ATAD2: variants seen among roughly 807,000 people sequenced by gnomAD.
ATAD2 encodes ATPase family AAA domain containing 2, also known as ATPase family AAA domain-containing protein 2.
A neutral mutation model predicts 168.9 loss-of-function variants in ATAD2; 62 were observed. The observed-to-expected ratio is 0.37, with a 90% CI of 0.30 to 0.45. The LOEUF (loss-of-function observed/expected upper bound fraction) is 0.45. ATAD2 is among the 20% of genes least tolerant of loss of function. The pLI is 1.00. For missense variants in ATAD2, 1,419 were observed against 1,667.8 expected (o/e 0.85, Z 2.60); for synonymous variants, 613 against 571.6 (o/e 1.07, Z -1.03).
At chr8:123,389,985 T>TA (rs1554647643) in intron 1 of ATAD2, among the ~76,000 whole-genome samples, 31,673 of 65,366 alleles carry the variant, frequency 0.48, 5,058 homozygotes, top group South Asian at 0.51. Context: ...TATATATATA[T>TA]TTTTTTTTTT....
intron 1 of ATAD2, among the ~76,000 whole-genome samples, chr8:123,404,489 A>G (rs113886430): frequency 0.025 from 3,766 of 149,540 alleles, 181 homozygotes; most frequent in African/African-American, 0.087. Flanking sequence ...GTAAGTCCAC[A>G]CTCTGCTTTC....
At chr8:123,395,385 A>G (rs1465506965) in intron 1 of ATAD2, among the ~76,000 whole-genome samples, 1 of 152,218 alleles carries the variant, frequency 6.6e-6, no homozygotes. Flanking sequence ...TGCACTTCAG[A>G]CCTAGAAGCA....
At chr8:123,349,689 A>C (rs1045942157) in intron 13 of ATAD2, among the ~76,000 whole-genome samples, 4 of 152,110 alleles carry the variant, frequency 2.6e-5, no homozygotes, top group Non-Finnish European at 5.9e-5. Flanking sequence ...AAGACATTTT[A>C]TAAAGCATAA....
intron 16 of ATAD2, 109 bp from the exon 17 acceptor site, chr8:123,346,859 A>G (rs1422555255): frequency 1.6e-6 from 2 of 1,267,364 alleles, no homozygotes; most frequent in Non-Finnish European, 2.2e-6. Flanking sequence ...CAAAGAATCA[A>G]AAATATTTGT....
intron 1 of ATAD2, among the ~76,000 whole-genome samples, chr8:123,404,299 C>T (rs1375410088): frequency 1.3e-5 from 2 of 152,096 alleles, no homozygotes; most frequent in African/African-American, 4.8e-5. Flanking sequence ...TTACCAAAAA[C>T]TTGGTGGCTT....
intron 1 of ATAD2, among the ~76,000 whole-genome samples, chr8:123,413,584 T>G (rs994086574): frequency 5.3e-5 from 8 of 152,186 alleles, no homozygotes; most frequent in Admixed American, 4.6e-4. Context: ...AGATAAGATT[T>G]GAGTGTGTTT....
At chr8:123,381,174 T>A (rs1829482978) in intron 1 of ATAD2, among the ~76,000 whole-genome samples, 1 of 152,212 alleles carries the variant, frequency 6.6e-6, no homozygotes, top group Non-Finnish European at 1.5e-5. Context: ...TGCCCAGTTT[T>A]AACCCAGCTA....
At chr8:123,380,752 C>T in intron 1 of ATAD2, 75 bp from the exon 2 acceptor site, 1 of 1,487,948 alleles carries the variant, frequency 6.7e-7, no homozygotes, top group Non-Finnish European at 9.1e-7. Flanking sequence ...AAAGAGTATT[C>T]TCTGATTACA....
intron 1 of ATAD2, among the ~76,000 whole-genome samples, chr8:123,391,051 C>T (rs543130806): frequency 3.1e-4 from 47 of 151,448 alleles, no homozygotes; most frequent in Non-Finnish European, 5.5e-4. Flanking sequence ...AAGTAATGTA[C>T]GATCATCATC....
At chr8:123,398,146 C>T (rs1044762698), upstream of ATAD2, among the ~76,000 whole-genome samples, 7 of 150,296 alleles carry the variant, frequency 4.7e-5, 1 homozygote, top group South Asian at 1.5e-3. Flanking sequence ...TGTCTGGGGA[C>T]ATATAAAAAG....
At chr8:123,411,066 G>C (rs577706720) in intron 1 of ATAD2, among the ~76,000 whole-genome samples, 12 of 152,282 alleles carry the variant, frequency 7.9e-5, no homozygotes, top group African/African-American at 1.9e-4. Context: ...CCCCAGGTCA[G>C]AGAACAGGAG....
chr8:123,347,498 T>TA, intron 15 of ATAD2, 92 bp from the exon 16 acceptor site: 1 of 1,270,988 alleles, frequency 7.9e-7, no homozygotes, highest in Non-Finnish European at 1.1e-6. Context: ...AAAAAAAAAT[T>TA]AAAAATCAGC....
intron 2 of ATAD2, among the ~76,000 whole-genome samples, chr8:123,378,127 T>A (rs1829374956): frequency 6.6e-6 from 1 of 152,204 alleles, no homozygotes; most frequent in African/African-American, 2.4e-5. Flanking sequence ...GTTGTACGTT[T>A]CTCCCCATTT....
intron 2 of ATAD2, among the ~76,000 whole-genome samples, chr8:123,373,201 T>C (rs191720764): frequency 6.6e-6 from 1 of 151,310 alleles, no homozygotes; most frequent in Non-Finnish European, 1.5e-5. Context: ...CGCTAACTTT[T>C]AACATTTTTT....
intron 13 of ATAD2, among the ~76,000 whole-genome samples, chr8:123,354,388 G>A (rs1359434393): frequency 1.3e-5 from 2 of 152,032 alleles, no homozygotes; most frequent in South Asian, 2.1e-4. Context: ...AAAATAACTT[G>A]AATACTAAAT....
chr8:123,390,217 G>A (rs1829789469), intron 1 of ATAD2, among the ~76,000 whole-genome samples: 2 of 151,856 alleles, frequency 1.3e-5, no homozygotes, highest in East Asian at 1.9e-4. Flanking sequence ...GATCTCCGGT[G>A]ATATGCCTGC....
At chr8:123,336,647 T>C (rs1208374220) in intron 21 of ATAD2, 115 bp from the exon 22 acceptor site, 3 of 779,660 alleles carry the variant, frequency 3.8e-6, no homozygotes, top group East Asian at 6.2e-5. Flanking sequence ...GAGATTATGA[T>C]AATATATTTA....
chr8:123,342,209 GT>G (rs748116174), intron 19 of ATAD2, among the ~76,000 whole-genome samples: 25 of 152,242 alleles, frequency 1.6e-4, no homozygotes, highest in Non-Finnish European at 2.8e-4. Flanking sequence ...AACCTGCCTA[GT>G]ATTGTTAAAG....
chr8:123,357,231 T>G (rs1828676080), intron 12 of ATAD2, among the ~76,000 whole-genome samples: 2 of 152,178 alleles, frequency 1.3e-5, no homozygotes, highest in African/African-American at 4.8e-5. Flanking sequence ...TGAAAGCCGC[T>G]CCAGGGCAGA....
Sources: gnomAD v4.1 joint callset for allele counts (sites outside exome capture counted in the v4.1 genomes callset) on GRCh38, gnomAD v4.1.1 for gene constraint, MANE v1.5 for transcripts, NCBI Gene and HGNC (gene_info 2026-07-23, HGNC 2026-07-21) for gene names.